CALHM1: variants seen among roughly 807,000 people sequenced by gnomAD.
CALHM1 encodes calcium homeostasis modulator 1.
CALHM1 carries 11 observed loss-of-function variants against 14.8 expected under a neutral mutation model. The observed-to-expected ratio is 0.74, with a 90% CI of 0.47 to 1.23. The LOEUF is 1.23. Ranked by LOEUF, CALHM1 falls within the 50% of genes most tolerant of loss-of-function variation. The probability of loss-of-function intolerance (pLI) is 0.00; values close to 1 mark genes in which losing one functional copy is unlikely to be tolerated. For missense variants in CALHM1, 458 were observed against 496.4 expected (o/e 0.92, Z 0.74); for synonymous variants, 215 against 218.9 (o/e 0.98, Z 0.16).
In CALHM1 at chr10:103,458,805, GCCCCTGCTGCCCACCCTGC is replaced by G. The variant is rs1166888866; in HGVS notation, c.-73_-55del. On this transcript the variant is annotated 5_prime_UTR_variant, in exon 1 of 2. An upstream open reading frame in the 5' UTR loses its in-frame stop. Transcript: ENST00000329905. The surrounding 1 kb of genome is among the most constrained non-coding windows in gnomAD (Gnocchi z 4.9). ...CCAACTCACTGCTGCCTCCAAGAGG[GCCCCTGCTGCCCACCCTGC>G]CCACTGGGTGCCCACCTCATGACTC... is the stretch of plus-strand genomic sequence containing the variant. 2 of 1,518,910 alleles carry G rather than the reference GCCCCTGCTGCCCACCCTGC, an allele frequency of 1.3e-6. No homozygotes were observed. Among genetic ancestry groups the G allele is most frequent in the Non-Finnish European group, 1.8e-6 (2 of 1,135,524 alleles). 94.1% of individuals were successfully genotyped at this position (1,518,910 alleles called of 1,614,324 possible).
At chr10:103,456,954 A>C (rs2033157842) in intron 1 of CALHM1, among the ~76,000 whole-genome samples, 1 of 152,024 alleles carries the variant, frequency 6.6e-6, no homozygotes, top group South Asian at 2.1e-4. Flanking sequence ...AAGCCTGGCT[A>C]ATTTTTTTCT....
Position 103,455,411 on chromosome 10 carries a change from T to A in CALHM1, c.892A>T (p.Thr298Ser). Residue 298 changes from threonine (T) to serine (S), a missense_variant, in exon 2 of 2, where the codon ACC becomes TCC. Transcript: ENST00000329905. Reference protein sequence around the residue: ...EKLRGITDQGTMNRLLTSWHK... With the variant: ...EKLRGITDQGSMNRLLTSWHK... ...CAGCTCGTGAGCAGCCTGTTCATGG[T>A]GCCTTGATCCGTGATGCCACGCAGC... The A allele has an allele frequency of 6.2e-7, 1 of 1,614,058 alleles. No homozygotes were observed. The highest frequency in any genetic ancestry group is 2.2e-5 in the East Asian group (1 of 44,890).
At chr10:103,455,790 C>G (rs774772359) in intron 1 of CALHM1, 43 bp from the exon 2 acceptor site, 2 of 1,578,082 alleles carry the variant, frequency 1.3e-6, no homozygotes, top group African/African-American at 2.7e-5. Context: ...TGTCCTTGGG[C>G]CTCCGAGCCT....
chr10:103,455,010 A>C lies in CALHM1; in HGVS notation c.*252T>G. 1 of 557,332 alleles carries C rather than the reference A, an allele frequency of 1.8e-6. No individual in the cohort carries two copies. The highest frequency in any genetic ancestry group is 3.1e-6 in the Non-Finnish European group (1 of 321,044). 34.5% of individuals were successfully genotyped at this position (557,332 alleles called of 1,614,324 possible). A position where few individuals can be genotyped will look rare whatever the true frequency, so the allele number is the denominator to read the frequency against. Reference sequence around the variant, plus strand: ...CCCTGTACCTGCCATGACAGTTCCGACCCCTTTAGACTAATACTGCTCATG... The same window carrying C: ...CCCTGTACCTGCCATGACAGTTCCGCCCCCTTTAGACTAATACTGCTCATG... On this transcript the variant is annotated 3_prime_UTR_variant, in exon 2 of 2. Transcript: ENST00000329905.
chr10:103,456,379 C>T (rs1203404477), intron 1 of CALHM1, among the ~76,000 whole-genome samples: 1 of 152,242 alleles, frequency 6.6e-6, no homozygotes, highest in Non-Finnish European at 1.5e-5. Context: ...TGAGCACCTC[C>T]TCTGTGTCGG....
intron 1 of CALHM1, among the ~76,000 whole-genome samples, chr10:103,457,923 G>A (rs1005775830): frequency 1.3e-5 from 2 of 152,234 alleles, no homozygotes; most frequent in African/African-American, 4.8e-5. Context: ...AAATCAGGAT[G>A]GGGATGCAGG....
chr10:103,456,706 C>T (rs913672842), intron 1 of CALHM1, among the ~76,000 whole-genome samples: 10 of 152,206 alleles, frequency 6.6e-5, no homozygotes, highest in African/African-American at 1.9e-4. Context: ...GGAGTACACG[C>T]GGGCCTGGTG....
chr10:103,458,075 C>A lies in CALHM1; in HGVS notation c.555+122G>T. 8.5e-7 allele frequency: 1 copy of A among 1,182,766 alleles called. No homozygotes were observed. Among genetic ancestry groups the A allele is most frequent in the Non-Finnish European group, 1.2e-6 (1 of 837,428 alleles). The allele number at this position is 1,182,766 out of a possible 1,614,324, so 73.3% of individuals were successfully genotyped here. On this transcript the variant is annotated intron_variant, in intron 1 of 1. Transcript: ENST00000329905. The surrounding 1 kb of genome is among the most constrained non-coding windows in gnomAD (Gnocchi z 4.9). ...CCTTCAGCCTCAGTTGGGAAGATGCCCCCCACACCTCGGAGCTCCACCTGA... is the reference window on the plus strand; with the variant it reads ...CCTTCAGCCTCAGTTGGGAAGATGCACCCCACACCTCGGAGCTCCACCTGA...
At position 103,455,624 on chromosome 10, in the gene CALHM1, C is replaced by CGATG. The variant is rs756975023; in HGVS notation, c.675_678dup (p.Glu227HisfsTer32). ...CACGTCTCGTCGAAGAGCTTGCGCT[C>CGATG]GATGTCGATATAGTGGGACCAGTAC... On this transcript the variant is annotated frameshift_variant, in exon 2 of 2. Coordinates refer to ENST00000329905, the MANE Select transcript of CALHM1 (RefSeq NM_001001412.4). LOFTEE classifies it low-confidence loss of function (END_TRUNC). The CGATG allele has an allele frequency of 1.9e-6, 3 of 1,613,854 alleles. No homozygotes were observed. The East Asian group carries it at 6.7e-5, about 36-fold the overall frequency.
In CALHM1 at chr10:103,455,569, A is replaced by T; in HGVS notation, c.734T>A (p.Val245Asp). ...GGCCTCGAAGAACTGCTGGATGCAG[A>T]CCTTGGCAAAGGCTTTGGCGTGCTC... ...CTEHAKAFAK[V>D]CIQQFFEAMN... The change falls in exon 2 of 2, where the codon GTC becomes GAC. Residue 245 changes from valine (V) to aspartate (D), a missense_variant. Physicochemically the swap from Val to Asp is radical, Grantham distance 152. Transcript: ENST00000329905. 1 of 1,614,028 alleles carries T rather than the reference A, an allele frequency of 6.2e-7. No individual in the cohort carries two copies. Among genetic ancestry groups the T allele is most frequent in the Non-Finnish European group, 8.5e-7 (1 of 1,180,034 alleles).
In CALHM1 at chr10:103,455,211, G is replaced by C; in HGVS notation, c.*51C>G. 6.6e-7 allele frequency: 1 copy of C among 1,510,712 alleles called. No homozygotes were observed. The highest frequency in any genetic ancestry group is 1.8e-4 in the Middle Eastern group (1 of 5,676). The allele number at this position is 1,510,712 out of a possible 1,614,324, so 93.6% of individuals were successfully genotyped here. ...CTTTTTCCACCTGGTTTGGGGGTTG[G>C]AGGGGCTGTGGGCTCAGATCCCCGT... On this transcript the variant is annotated 3_prime_UTR_variant, in exon 2 of 2. Transcript: ENST00000329905.
intron 1 of CALHM1, among the ~76,000 whole-genome samples, chr10:103,457,440 T>C (rs2033163071): frequency 6.6e-6 from 1 of 152,206 alleles, no homozygotes; most frequent in Admixed American, 6.5e-5. Flanking sequence ...GCCAGGGGTG[T>C]CTGGACTTGC....
intron 1 of CALHM1, among the ~76,000 whole-genome samples, chr10:103,456,920 C>G (rs1183352578): frequency 6.6e-6 from 1 of 152,212 alleles, no homozygotes; most frequent in Non-Finnish European, 1.5e-5. Context: ...TCCTGTGTAG[C>G]TGGGACTACA....
chr10:103,458,611 G>A lies in CALHM1; in HGVS notation c.141C>T (p.Gly47=), dbSNP rs2133825017. 2 of 1,613,982 alleles carry A rather than the reference G, an allele frequency of 1.2e-6. No individual in the cohort carries two copies. Among genetic ancestry groups the A allele is most frequent in the Non-Finnish European group, 1.7e-6 (2 of 1,180,040 alleles). The part of the protein sequence containing the change: ...AFDFNCPCLP[G]YNAAYSAGIL... ...TGCCCGCGCTGTAGGCTGCATTGTAGCCCGGCAGGCAGGGGCAGTTGAAGT... is the reference window on the plus strand; with the variant it reads ...TGCCCGCGCTGTAGGCTGCATTGTAACCCGGCAGGCAGGGGCAGTTGAAGT... The change falls in exon 1 of 2, where the codon GGC becomes GGT. Residue 47 remains glycine, a synonymous_variant. Transcript: ENST00000329905. The surrounding 1 kb of genome is among the most constrained non-coding windows in gnomAD (Gnocchi z 4.9).
Position 103,453,455 on chromosome 10 carries a change from T to A in CALHM1, c.*1807A>T, listed in dbSNP as rs1360498453. The A allele has an allele frequency of 2.6e-5, 4 of 151,938 alleles. No individual in the cohort carries two copies. The highest frequency in any genetic ancestry group is 9.7e-5 in the African/African-American group (4 of 41,312). The allele number at this position is 151,938 out of a possible 1,614,324, so 9.4% of individuals were successfully genotyped here. A position where few individuals can be genotyped will look rare whatever the true frequency, so the allele number is the denominator to read the frequency against. On this transcript the variant is annotated 3_prime_UTR_variant, in exon 2 of 2. Transcript: ENST00000329905. ...TTATTATTACTTTACAGAGACAGAG[T>A]CTTGCTATGTTGCCCAGGCTGGTCT...
In CALHM1 at chr10:103,453,898, T is replaced by C. The variant is rs1384813858; in HGVS notation, c.*1364A>G. On this transcript the variant is annotated 3_prime_UTR_variant, in exon 2 of 2. Coordinates refer to ENST00000329905, the MANE Select transcript of CALHM1 (RefSeq NM_001001412.4). ...CCCAAATAATTAAGAGGAGGGAAAC[T>C]GGACCCCAGAAGTGGGAATAGAGGG... is the stretch of plus-strand genomic sequence containing the variant. 2 of 152,132 alleles carry C rather than the reference T, an allele frequency of 1.3e-5. No homozygotes were observed. Among genetic ancestry groups the C allele is most frequent in the African/African-American group, 4.8e-5 (2 of 41,410 alleles). The allele number at this position is 152,132 out of a possible 1,614,324, so 9.4% of individuals were successfully genotyped here.
In CALHM1 at chr10:103,457,917, C is replaced by G. The variant is rs369766426; in HGVS notation, c.555+280G>C. Among the ~76,000 whole-genome samples the G allele has an allele frequency of 5.9e-5, 9 of 152,238 alleles. No individual in the cohort carries two copies. In the East Asian group the frequency reaches 1.2e-3, roughly 20 times the overall value. On this transcript the variant is annotated intron_variant, in intron 1 of 1. Transcript: ENST00000329905. ...TCCTCCAGCTTCCAAGCTCAGAAAT[C>G]AGGATGGGGATGCAGGTCCACTCTG...
Position 103,454,570 on chromosome 10 carries a change from A to T in CALHM1, c.*692T>A, listed in dbSNP as rs888113832. On this transcript the variant is annotated 3_prime_UTR_variant, in exon 2 of 2. Transcript: ENST00000329905. ...GGTGGTTTTTCAAAGACCCCTCTAC[A>T]GGAGGACTTTTGTGCTTGGTTTGTG... The T allele has an allele frequency of 2.6e-5, 4 of 152,264 alleles. No homozygotes were observed. The highest frequency in any genetic ancestry group is 4.4e-5 in the Non-Finnish European group (3 of 68,058). 9.4% of individuals were successfully genotyped at this position (152,264 alleles called of 1,614,324 possible).
rs575829022 is a variant in CALHM1, at chr10:103,455,547, C to T, written c.756G>A (p.Glu252=). 11 of 1,613,972 alleles carry T rather than the reference C, an allele frequency of 6.8e-6. No homozygotes were observed. The highest frequency in any genetic ancestry group is 3.3e-5 in the Admixed American group (2 of 60,030). Residue 252 remains glutamate, a synonymous_variant, in exon 2 of 2, where the codon GAG becomes GAA. Transcript: ENST00000329905. ...FAKVCIQQFF[E]AMNHDLELGH... Reference sequence around the variant, plus strand: ...CCAGCTCCAGGTCATGGTTCATGGCCTCGAAGAACTGCTGGATGCAGACCT... The same window carrying T: ...CCAGCTCCAGGTCATGGTTCATGGCTTCGAAGAACTGCTGGATGCAGACCT...
Sources: gnomAD v4.1 joint callset for allele counts (sites outside exome capture counted in the v4.1 genomes callset) on GRCh38, gnomAD v4.1.1 for gene constraint, Gnocchi (gnomAD v3.1) non-coding constraint, MANE v1.5 for transcripts, NCBI Gene and HGNC (gene_info 2026-07-23, HGNC 2026-07-21) for gene names.